GRK3: variants seen among roughly 807,000 people sequenced by gnomAD.
GRK3 encodes G protein-coupled receptor kinase 3.
In GRK3, 54 loss-of-function variants were observed where a neutral mutation model predicts 95.7. The ratio of observed to expected loss-of-function variants is 0.56; its 90% confidence interval spans 0.45 to 0.71. GRK3 has a LOEUF of 0.71. Among genes scored for constraint, GRK3 ranks in the 30% least tolerant of loss-of-function variants. The pLI is 0.00. For synonymous variants in GRK3, 281 were observed against 290.8 expected, an observed-to-expected ratio of 0.97 and a Z score of 0.34; for missense variants, 649 against 851.2, an observed-to-expected ratio of 0.76 and a Z score of 2.96.
At chr22:25,699,172 C>G (rs1273135429) in intron 13 of GRK3, among the ~76,000 whole-genome samples, 2 of 152,132 alleles carry the variant, frequency 1.3e-5, no homozygotes, top group East Asian at 3.9e-4. Flanking sequence ...TGTTCTACTT[C>G]CTCACAAAGT....
chr22:25,721,402 GTTTT>G lies in GRK3; in HGVS notation c.1905+7_1905+10del. 6.7e-7 allele frequency: 1 copy of G among 1,499,360 alleles called. No homozygotes were observed. The highest frequency in any genetic ancestry group is 1.2e-5 in the South Asian group (1 of 83,890). 92.9% of individuals were successfully genotyped at this position (1,499,360 alleles called of 1,614,324 possible). ...CAATTTGTCTTGCAATGTGAGGTGA[GTTTT>G]TATTTTTTCTTAGGTGAATGTTAGA... On this transcript the variant is annotated splice_donor_region_variant and intron_variant, in intron 20 of 20. Transcript: ENST00000324198.
chr22:25,724,088 G>A lies in GRK3; in HGVS notation c.*1638G>A, dbSNP rs535729764. The A allele has an allele frequency of 2.0e-5, 3 of 148,466 alleles. No homozygotes were observed. The highest frequency in any genetic ancestry group is 3.9e-4 in the East Asian group (2 of 5,106). 9.2% of individuals were successfully genotyped at this position (148,466 alleles called of 1,614,324 possible). A position where few individuals can be genotyped will look rare whatever the true frequency, so the allele number is the denominator to read the frequency against. ...TACATGCATTCTCCTTATTTAAAAA[G>A]GAAGAATAGTATTCAAATTCTGTTG... On this transcript the variant is annotated 3_prime_UTR_variant, in exon 21 of 21. Coordinates refer to ENST00000324198, the MANE Select transcript of GRK3 (RefSeq NM_005160.4).
At chr22:25,603,039 C>T (rs1028256405) in intron 1 of GRK3, among the ~76,000 whole-genome samples, 4 of 152,150 alleles carry the variant, frequency 2.6e-5, no homozygotes, top group African/African-American at 9.7e-5. Context: ...GCCTCAGCCT[C>T]TCTAGTAGCT....
chr22:25,648,998 G>GGTAACAAA, intron 3 of GRK3: 1 of 1,111,590 alleles, frequency 9.0e-7, no homozygotes, highest in East Asian at 2.3e-5. Context: ...AGACAGAACT[G>GGTAACAAA]GTAACAAAGG....
Position 25,728,555 on chromosome 22 carries a change from G to C in GRK3, c.*6105G>C, listed in dbSNP as rs2085492291. On this transcript the variant is annotated 3_prime_UTR_variant, in exon 21 of 21. Transcript: ENST00000324198. ...CAGCATCATTCCTTCCCCTTATTGT[G>C]CCAAATCCCCACCATCAGCCTTGCC... 1 of 152,118 alleles carries C rather than the reference G, an allele frequency of 6.6e-6. No homozygotes were observed. The highest frequency in any genetic ancestry group is 6.5e-5 in the Admixed American group (1 of 15,270). The allele number at this position is 152,118 out of a possible 1,614,324, so 9.4% of individuals were successfully genotyped here.
chr22:25,664,982 ATAG>A (rs1236246894), intron 5 of GRK3, among the ~76,000 whole-genome samples: 1 of 152,158 alleles, frequency 6.6e-6, no homozygotes, highest in Non-Finnish European at 1.5e-5. Flanking sequence ...ACCTGTCTGG[ATAG>A]TAGTGGGTTA....
chr22:25,584,556 G>C (rs1368590097), intron 1 of GRK3, among the ~76,000 whole-genome samples: 1 of 152,272 alleles, frequency 6.6e-6, no homozygotes, highest in East Asian at 1.9e-4. Context: ...CAATGTAAGA[G>C]AACAGAATAA....
At chr22:25,634,904 C>T (rs536190105) in intron 2 of GRK3, among the ~76,000 whole-genome samples, 10 of 152,142 alleles carry the variant, frequency 6.6e-5, no homozygotes, top group African/African-American at 2.2e-4. Context: ...GTGATTTTGC[C>T]GCTTTTCTTA....
intron 13 of GRK3, 113 bp downstream of exon 13, chr22:25,695,327 A>G (rs1469521498): frequency 4.2e-6 from 3 of 719,670 alleles, no homozygotes; most frequent in Admixed American, 2.5e-5. Flanking sequence ...TCACACAGTG[A>G]TCTTTAAGCC....
At chr22:25,644,400 T>A (rs1256265523) in intron 2 of GRK3, among the ~76,000 whole-genome samples, 192 bp from the exon 3 acceptor site, 1 of 152,024 alleles carries the variant, frequency 6.6e-6, no homozygotes, top group Non-Finnish European at 1.5e-5. Context: ...GAGCCAAGTA[T>A]GTGGTATTTT....
chr22:25,613,116 CA>C (rs578169058), intron 2 of GRK3, among the ~76,000 whole-genome samples: 136 of 151,616 alleles, frequency 9.0e-4, no homozygotes, highest in Non-Finnish European at 1.7e-3. Context: ...TATAAGTCAG[CA>C]GCTTTGGATT....
chr22:25,717,610 C>T (rs924600571), intron 18 of GRK3, among the ~76,000 whole-genome samples: 11 of 152,132 alleles, frequency 7.2e-5, no homozygotes, highest in Non-Finnish European at 1.2e-4. Context: ...AGGACAATCA[C>T]CAAAGCCTTT....
chr22:25,696,548 T>C lies in GRK3; in HGVS notation c.1160+1334T>C, dbSNP rs188767017. Among the ~76,000 whole-genome samples, 105 of 152,362 alleles carry C rather than the reference T, an allele frequency of 6.9e-4. 2 individuals are homozygous for C. Among genetic ancestry groups the C allele is most frequent in the Admixed American group, 4.3e-3 (66 of 15,300 alleles). The stretch of plus-strand genomic sequence containing the variant: ...TTTTTTTATTATTCAGACTCATAAA[T>C]CATTTTACATTAAAATTTCCTAGTT... On this transcript the variant is annotated intron_variant, in intron 13 of 20. Coordinates refer to ENST00000324198, the MANE Select transcript of GRK3 (RefSeq NM_005160.4).
At chr22:25,584,753 C>T (rs1932235291) in intron 1 of GRK3, among the ~76,000 whole-genome samples, 4 of 152,032 alleles carry the variant, frequency 2.6e-5, no homozygotes, top group Admixed American at 2.6e-4. Context: ...ATACTATCTG[C>T]AGGTTCAGGT....
At chr22:25,673,078 T>G (rs74455199) in intron 7 of GRK3, among the ~76,000 whole-genome samples, 2,286 of 151,152 alleles carry the variant, frequency 0.015, 17 homozygotes, top group Middle Eastern at 0.062. Context: ...TTTTTTTTTT[T>G]TTGAGACGAG....
chr22:25,695,020 A>G (rs2085195896), intron 12 of GRK3, 87 bp from the exon 13 acceptor site: 3 of 849,394 alleles, frequency 3.5e-6, no homozygotes, highest in Admixed American at 4.0e-5. Context: ...GCTGCCATCT[A>G]ATGAAGGACA....
Position 25,644,576 on chromosome 22 carries a change from TA to T in GRK3, c.191-15del. ...ATTAATTGCCCACCCTGAAATTTTT[TA>T]TTTTTTTCCTTTAGGTTTCTTGCTA... On this transcript the variant is annotated splice_polypyrimidine_tract_variant and intron_variant, in intron 2 of 20. Coordinates refer to ENST00000324198, the MANE Select transcript of GRK3 (RefSeq NM_005160.4). 7.2e-7 allele frequency: 1 copy of T among 1,395,346 alleles called. No homozygotes were observed. The highest frequency in any genetic ancestry group is 1.0e-6 in the Non-Finnish European group (1 of 1,004,352). 86.4% of individuals were successfully genotyped at this position (1,395,346 alleles called of 1,614,324 possible).
Position 25,709,891 on chromosome 22 carries a change from C to T in GRK3, c.1329-7C>T. ...ACTCAGCACTGTTATGACTCTTTCTCCTCCAGCTCACAGGAAGTAAAAGAG... is the reference window on the plus strand; with the variant it reads ...ACTCAGCACTGTTATGACTCTTTCTTCTCCAGCTCACAGGAAGTAAAAGAG... On this transcript the variant is annotated splice_polypyrimidine_tract_variant and splice_region_variant and intron_variant, in intron 15 of 20. Transcript: ENST00000324198. 1 of 1,611,194 alleles carries T rather than the reference C, an allele frequency of 6.2e-7. No homozygotes were observed. The highest frequency in any genetic ancestry group is 8.5e-7 in the Non-Finnish European group (1 of 1,177,312).
chr22:25,678,977 T>C, intron 9 of GRK3, 62 bp downstream of exon 9: 3 of 1,153,720 alleles, frequency 2.6e-6, no homozygotes, highest in Non-Finnish European at 3.8e-6. Flanking sequence ...AGCAGGATGA[T>C]TTATTATTTT....
Sources: gnomAD v4.1 joint callset for allele counts (sites outside exome capture counted in the v4.1 genomes callset) on GRCh38, gnomAD v4.1.1 for gene constraint, MANE v1.5 for transcripts, NCBI Gene and HGNC (gene_info 2026-07-23, HGNC 2026-07-21) for gene names.